The following NACC2 variants were observed in gnomAD, a reference collection of about 807,000 sequenced individuals.
NACC2 encodes nucleus accumbens-associated protein 2.
NACC2 carries 8 observed loss-of-function variants against 25.1 expected under a neutral mutation model. That is an observed-to-expected ratio of 0.32 (90% confidence interval 0.19 to 0.57). The LOEUF is 0.57. Ranked by LOEUF, NACC2 falls within the 20% of genes least tolerant of loss-of-function variation. The pLI, the probability that NACC2 is intolerant of heterozygous loss-of-function variation, is 0.89. For synonymous variants in NACC2, 435 were observed against 294.7 expected (o/e 1.48, Z -4.88); for missense variants, 644 against 650.2 (o/e 0.99, Z 0.10).
chr9:136,093,616 G>T (rs552803592), intron 1 of NACC2, among the ~76,000 whole-genome samples: 2 of 152,340 alleles, frequency 1.3e-5, no homozygotes, highest in East Asian at 3.9e-4. Context: ...TGGCTTTGCC[G>T]AAAGGACAGG....
chr9:136,024,180 GGAC>G (rs1840342234), intron 2 of NACC2, among the ~76,000 whole-genome samples: 1 of 118,422 alleles, frequency 8.4e-6, no homozygotes, highest in South Asian at 2.8e-4. Context: ...GTGTGTGTGA[GGAC>G]GGAGTGTGTG....
In NACC2 at chr9:136,008,401, C is replaced by T. The variant is rs1004287428; in HGVS notation, c.*3115G>A. The T allele has an allele frequency of 2.0e-5, 3 of 152,318 alleles. No individual in the cohort carries two copies. Among genetic ancestry groups the T allele is most frequent in the Non-Finnish European group, 2.9e-5 (2 of 68,126 alleles). The allele number at this position is 152,318 out of a possible 1,614,324, so 9.4% of individuals were successfully genotyped here. A position where few individuals can be genotyped will look rare whatever the true frequency, so the allele number is the denominator to read the frequency against. On this transcript the variant is annotated 3_prime_UTR_variant, in exon 6 of 6. Transcript: ENST00000277554. The stretch of plus-strand genomic sequence containing the variant: ...GGCGGCAGCTCCAACACGGTCCAGT[C>T]CCTTCTGTCCTCCTCAAAAGGTGTG...
At chr9:136,027,321 C>T (rs1003604554) in intron 2 of NACC2, among the ~76,000 whole-genome samples, 1 of 152,132 alleles carries the variant, frequency 6.6e-6, no homozygotes, top group African/African-American at 2.4e-5. Context: ...AAGAGATGTA[C>T]CAGGTAAATA....
chr9:136,063,609 C>T (rs1588576872), intron 1 of NACC2, among the ~76,000 whole-genome samples: 1 of 152,284 alleles, frequency 6.6e-6, no homozygotes, highest in East Asian at 1.9e-4. Context: ...AAAGGCCGAG[C>T]ACGGTGGCTC....
At chr9:136,038,810 G>A (rs1377078481) in intron 2 of NACC2, among the ~76,000 whole-genome samples, 2 of 152,198 alleles carry the variant, frequency 1.3e-5, no homozygotes, top group African/African-American at 4.8e-5. Context: ...TGAGGGAAGT[G>A]AGAGATGCTA....
intron 2 of NACC2, among the ~76,000 whole-genome samples, chr9:136,033,919 G>A (rs992265927): frequency 6.6e-6 from 1 of 151,268 alleles, no homozygotes; most frequent in African/African-American, 2.4e-5. Flanking sequence ...GTGTGTGTGT[G>A]TGTGTGTGTG....
rs371539423 is a variant in NACC2, at chr9:136,007,085, CTTTT to C, written c.*4427_*4430del. ...ATATTTATACATTTTATACTTAGTT[CTTTT>C]TTTTGTCTGCTAAAAATAGTATTGC... On this transcript the variant is annotated 3_prime_UTR_variant, in exon 6 of 6. Coordinates refer to ENST00000277554, the MANE Select transcript of NACC2 (RefSeq NM_144653.5). 3.9e-5 allele frequency: 6 copies of C among 154,308 alleles called. No homozygotes were observed. In the East Asian group the frequency reaches 7.7e-4, roughly 20 times the overall value. The allele number at this position is 154,308 out of a possible 1,614,324, so 9.6% of individuals were successfully genotyped here.
chr9:136,079,792 T>C (rs569737776), intron 1 of NACC2, among the ~76,000 whole-genome samples: 1 of 152,254 alleles, frequency 6.6e-6, no homozygotes, highest in African/African-American at 2.4e-5. Context: ...TCTTGAAGCC[T>C]GTAAGATTTC....
intron 1 of NACC2, among the ~76,000 whole-genome samples, chr9:136,094,269 G>A (rs1036042355): frequency 2.0e-5 from 3 of 152,170 alleles, no homozygotes; most frequent in Admixed American, 6.5e-5. Flanking sequence ...GGAGTGGAAC[G>A]GCCTGGGAGG....
At chr9:136,082,785 C>T (rs1416830281) in intron 1 of NACC2, among the ~76,000 whole-genome samples, 1 of 152,218 alleles carries the variant, frequency 6.6e-6, no homozygotes, top group Non-Finnish European at 1.5e-5. Context: ...TCTTGGCCAG[C>T]GGATCCCACA....
At chr9:136,079,122 T>A (rs1168704979) in intron 1 of NACC2, among the ~76,000 whole-genome samples, 2 of 152,028 alleles carry the variant, frequency 1.3e-5, no homozygotes, top group African/African-American at 4.8e-5. Context: ...TCTACTCACG[T>A]ATGTCTGTGC....
intron 1 of NACC2, among the ~76,000 whole-genome samples, chr9:136,087,854 G>A (rs1338051781): frequency 6.6e-6 from 1 of 152,242 alleles, no homozygotes; most frequent in East Asian, 1.9e-4. Context: ...GGTCTGAGCT[G>A]CTCGAGGGAG....
chr9:136,058,501 G>T (rs1039054115), intron 1 of NACC2, among the ~76,000 whole-genome samples: 1 of 152,180 alleles, frequency 6.6e-6, no homozygotes, highest in Admixed American at 6.5e-5. Context: ...CTGGGACCTG[G>T]GCTTTCTCAG....
chr9:136,066,737 T>A (rs1242723067), intron 1 of NACC2, among the ~76,000 whole-genome samples: 1 of 152,122 alleles, frequency 6.6e-6, no homozygotes, highest in African/African-American at 2.4e-5. Flanking sequence ...TACACAAATG[T>A]CTATCACGGG....
At chr9:136,073,069 A>T (rs1830217174) in intron 1 of NACC2, among the ~76,000 whole-genome samples, 1 of 152,204 alleles carries the variant, frequency 6.6e-6, no homozygotes. Context: ...AAAAGACAAG[A>T]CACAGGCTGG....
At chr9:136,082,642 G>A (rs11789434) in intron 1 of NACC2, among the ~76,000 whole-genome samples, 2 of 151,966 alleles carry the variant, frequency 1.3e-5, no homozygotes, top group African/African-American at 2.4e-5. Flanking sequence ...CGCCAGGCCC[G>A]CGCTGCCTCC....
rs1840804073 is a variant in NACC2 at position 136,050,423 on chromosome 9, G to A, written c.99C>T (p.Ser33=). The change falls in exon 2 of 6, where the codon TCC becomes TCT. Residue 33 remains serine, a synonymous_variant. Transcript: ENST00000277554. ...TGAAGGCCTGGCCCTTGACCACGAT[G>A]GACACATCGCAGTAGAGGCCCAGCA... is the stretch of plus-strand genomic sequence containing the variant. The part of the protein sequence containing the change: ...QRLLGLYCDV[S]IVVKGQAFKA... The A allele has an allele frequency of 2.6e-6, 2 of 766,382 alleles. No individual in the cohort carries two copies. The highest frequency in any genetic ancestry group is 3.4e-5 in the Admixed American group (2 of 58,786). The allele number at this position is 766,382 out of a possible 1,614,324, so 47.5% of individuals were successfully genotyped here.
chr9:136,028,606 G>A (rs2131145451), intron 2 of NACC2, among the ~76,000 whole-genome samples: 1 of 152,272 alleles, frequency 6.6e-6, no homozygotes, highest in African/African-American at 2.4e-5. Context: ...CACGCTCCAT[G>A]GAGCTGGCAG....
In NACC2 at chr9:136,020,243, G is replaced by A. The variant is rs528988661; in HGVS notation, c.887-3814C>T. ...GCCATGCAGGTCTGGAGGGAAACCGGGTCTCATTGGCCTCACCCTGACTTT... is the reference window on the plus strand; with the variant it reads ...GCCATGCAGGTCTGGAGGGAAACCGAGTCTCATTGGCCTCACCCTGACTTT... On this transcript the variant is annotated intron_variant, in intron 2 of 5. Transcript: ENST00000277554. The surrounding 1 kb of genome is among the most constrained non-coding windows in gnomAD (Gnocchi z 4.7). Among the ~76,000 whole-genome samples the A allele has an allele frequency of 1.3e-5, 2 of 152,250 alleles. No homozygotes were observed. The highest frequency in any genetic ancestry group is 3.9e-4 in the East Asian group (2 of 5,186).
Sources: gnomAD v4.1 joint callset for allele counts (sites outside exome capture counted in the v4.1 genomes callset) on GRCh38, gnomAD v4.1.1 for gene constraint, Gnocchi (gnomAD v3.1) non-coding constraint, MANE v1.5 for transcripts, NCBI Gene and HGNC (gene_info 2026-07-23, HGNC 2026-07-21) for gene names.